Variants in CTIF observed in about 807,000 individuals in gnomAD.
The protein encoded by CTIF is cap binding complex dependent translation initiation factor.
Under a neutral mutation model 66.0 loss-of-function variants are expected in CTIF, and 21 were observed. That is an observed-to-expected ratio of 0.32 (90% CI 0.23 to 0.46). The LOEUF is 0.46. Among genes scored for constraint, CTIF ranks in the 20% least tolerant of loss-of-function variants. The probability of loss-of-function intolerance (pLI) is 1.00; values close to 1 mark genes in which losing one functional copy is unlikely to be tolerated. For synonymous variants in CTIF, 345 were observed against 326.4 expected (o/e 1.06, Z -0.62); for missense variants, 739 against 812.7 (o/e 0.91, Z 1.10).
At chr18:48,841,473 C>T (rs1232098338) in intron 10 of CTIF, among the ~76,000 whole-genome samples, 3 of 152,212 alleles carry the variant, frequency 2.0e-5, no homozygotes, top group Non-Finnish European at 4.4e-5. Context: ...GTTTAGTCGC[C>T]CCCAGGGAAG....
At chr18:48,764,327 A>T (rs750223997) in intron 9 of CTIF, among the ~76,000 whole-genome samples, 33 of 152,196 alleles carry the variant, frequency 2.2e-4, no homozygotes, top group Non-Finnish European at 3.7e-4. Context: ...TGTCCTTAAA[A>T]GGTTTGCAGT....
intron 2 of CTIF, among the ~76,000 whole-genome samples, chr18:48,620,309 CTG>C (rs1169123439): frequency 1.3e-5 from 2 of 152,178 alleles, no homozygotes; most frequent in African/African-American, 4.8e-5. Context: ...CTGCCTCAGT[CTG>C]TGGCATCCCT....
chr18:48,742,311 G>A (rs1295930064), intron 7 of CTIF, among the ~76,000 whole-genome samples: 1 of 152,192 alleles, frequency 6.6e-6, no homozygotes, highest in Admixed American at 6.5e-5. Flanking sequence ...GAAAGGAGCA[G>A]GGCAGGTTAC....
intron 1 of CTIF, among the ~76,000 whole-genome samples, chr18:48,578,134 T>C (rs2089576192): frequency 6.6e-6 from 1 of 152,214 alleles, no homozygotes. Context: ...TTCATCCATG[T>C]TGTGGCATAT....
intron 1 of CTIF, among the ~76,000 whole-genome samples, chr18:48,607,506 C>A (rs1428019407): frequency 6.6e-6 from 1 of 152,198 alleles, no homozygotes; most frequent in Non-Finnish European, 1.5e-5. Context: ...CTGCTGCTGA[C>A]CATTTTCTAC....
rs1423503947 is a variant in CTIF at position 48,861,706 on chromosome 18, G to A, written c.*2147G>A. 4 of 152,336 alleles carry A rather than the reference G, an allele frequency of 2.6e-5. No homozygotes were observed. Among genetic ancestry groups the A allele is most frequent in the Non-Finnish European group, 5.9e-5 (4 of 68,118 alleles). 9.4% of individuals were successfully genotyped at this position (152,336 alleles called of 1,614,324 possible). On this transcript the variant is annotated 3_prime_UTR_variant, in exon 12 of 12. Transcript: ENST00000256413. ...ACGGTGAGCTCAGAGCAAGCTTCAC[G>A]CAGGACGCTCCGAAACACTGTGTGG...
chr18:48,556,305 G>A (rs2089020150), intron 1 of CTIF, among the ~76,000 whole-genome samples: 1 of 152,176 alleles, frequency 6.6e-6, no homozygotes, highest in South Asian at 2.1e-4. Context: ...CGAGCTTCCA[G>A]GATTCCAGGC....
At chr18:48,763,789 G>A (rs1271817134) in intron 9 of CTIF, among the ~76,000 whole-genome samples, 1 of 152,118 alleles carries the variant, frequency 6.6e-6, no homozygotes, top group Non-Finnish European at 1.5e-5. Flanking sequence ...GCAGGGGCAC[G>A]AGGGACCCCG....
At chr18:48,694,002 GGACTTTGT>G (rs2091971220) in intron 6 of CTIF, among the ~76,000 whole-genome samples, 1 of 152,232 alleles carries the variant, frequency 6.6e-6, no homozygotes, top group Non-Finnish European at 1.5e-5. Flanking sequence ...ACCACATTTT[GGACTTTGT>G]GTAAATTTTT....
At chr18:48,717,301 G>A (rs1324144155) in intron 7 of CTIF, among the ~76,000 whole-genome samples, 1 of 152,014 alleles carries the variant, frequency 6.6e-6, no homozygotes. Context: ...GGGAGGCTGA[G>A]GCAGGAGAAT....
At chr18:48,653,865 G>C (rs533269583) in intron 3 of CTIF, among the ~76,000 whole-genome samples, 1 of 152,016 alleles carries the variant, frequency 6.6e-6, no homozygotes, top group Admixed American at 6.6e-5. Flanking sequence ...GACAAAAACA[G>C]GAAATGGGGA....
At chr18:48,696,857 G>A (rs1046135865) in intron 6 of CTIF, among the ~76,000 whole-genome samples, 1 of 152,146 alleles carries the variant, frequency 6.6e-6, no homozygotes, top group South Asian at 2.1e-4. Context: ...CTAAGTAGTG[G>A]GCCTAAGCAT....
chr18:48,590,095 T>C (rs2089857359), intron 1 of CTIF, among the ~76,000 whole-genome samples: 1 of 152,218 alleles, frequency 6.6e-6, no homozygotes, highest in South Asian at 2.1e-4. Flanking sequence ...TGTGCAGAGT[T>C]TGTGGATCAG....
intron 9 of CTIF, among the ~76,000 whole-genome samples, chr18:48,764,106 A>G (rs1909275843): frequency 6.6e-6 from 1 of 151,860 alleles, no homozygotes; most frequent in Non-Finnish European, 1.5e-5. Context: ...CACTCTGAGC[A>G]TGCACCTCCC....
intron 2 of CTIF, among the ~76,000 whole-genome samples, chr18:48,632,392 T>C (rs2090735470): frequency 6.6e-6 from 1 of 152,192 alleles, no homozygotes; most frequent in Non-Finnish European, 1.5e-5. Flanking sequence ...GTTGGGTCTC[T>C]GGAATGAGGC....
intron 6 of CTIF, among the ~76,000 whole-genome samples, chr18:48,700,186 G>A (rs2092063384): frequency 6.6e-6 from 1 of 152,216 alleles, no homozygotes. Context: ...AGATGTGATG[G>A]TTTTATAAAG....
At chr18:48,578,036 T>C (rs1568044890) in intron 1 of CTIF, among the ~76,000 whole-genome samples, 1 of 152,256 alleles carries the variant, frequency 6.6e-6, no homozygotes, top group Non-Finnish European at 1.5e-5. Context: ...TATAGATTTG[T>C]CTATTCTGGA....
At chr18:48,702,024 A>G (rs1309961404) in intron 6 of CTIF, among the ~76,000 whole-genome samples, 1 of 152,232 alleles carries the variant, frequency 6.6e-6, no homozygotes, top group African/African-American at 2.4e-5. Flanking sequence ...AGTGTGGCAA[A>G]GGAGGTAGGA....
chr18:48,795,947 T>C (rs574493423), intron 9 of CTIF, among the ~76,000 whole-genome samples: 2 of 152,290 alleles, frequency 1.3e-5, no homozygotes, highest in Admixed American at 6.5e-5. Flanking sequence ...TCACTGGAAC[T>C]ATAGGTCAGG....
Sources: allele counts gnomAD v4.1 joint callset (sites outside exome capture counted in the v4.1 genomes callset), GRCh38; gene constraint gnomAD v4.1.1; transcripts MANE v1.5; gene names NCBI Gene and HGNC (gene_info 2026-07-23, HGNC 2026-07-21).